Variants in STK17A observed in about 807,000 individuals in gnomAD.
STK17A encodes serine/threonine kinase 17a, also known as serine/threonine-protein kinase 17A.
A neutral mutation model predicts 43.7 loss-of-function variants in STK17A; 26 were observed. The observed-to-expected ratio is 0.60, with a 90% CI of 0.44 to 0.83. The LOEUF (loss-of-function observed/expected upper bound fraction) is 0.83. Ranked by LOEUF, STK17A falls within the 40% of genes least tolerant of loss-of-function variation. STK17A has a pLI of 0.00. For synonymous variants in STK17A, 191 were observed against 182.5 expected, an observed-to-expected ratio of 1.05 and a Z score of -0.38; for missense variants, 476 against 511.6, an observed-to-expected ratio of 0.93 and a Z score of 0.67.
intron 3 of STK17A, among the ~76,000 whole-genome samples, chr7:43,618,240 G>C (rs1327936075): frequency 1.3e-5 from 2 of 152,168 alleles, no homozygotes; most frequent in East Asian, 1.9e-4. Context: ...GAAGGAGCAG[G>C]GGAGGCCAGG....
At chr7:43,621,630 G>A (rs1169128981) in intron 4 of STK17A, among the ~76,000 whole-genome samples, 2 of 152,104 alleles carry the variant, frequency 1.3e-5, no homozygotes, top group Non-Finnish European at 2.9e-5. Flanking sequence ...AGCACAGCGG[G>A]CCAGTTTTTT....
At chr7:43,587,372 A>G (rs373240590) in intron 1 of STK17A, among the ~76,000 whole-genome samples, 2 of 151,210 alleles carry the variant, frequency 1.3e-5, no homozygotes, top group Admixed American at 6.6e-5. Flanking sequence ...AATGAGTTCT[A>G]CATTGGAACA....
At chr7:43,607,607 C>T (rs1340885889) in intron 2 of STK17A, among the ~76,000 whole-genome samples, 2 of 144,146 alleles carry the variant, frequency 1.4e-5, no homozygotes, top group Admixed American at 1.4e-4. Context: ...TGAGATCACG[C>T]CACTGCACTC....
intron 2 of STK17A, among the ~76,000 whole-genome samples, chr7:43,600,167 C>T (rs756812759): frequency 2.0e-5 from 3 of 152,106 alleles, no homozygotes; most frequent in Non-Finnish European, 4.4e-5. Context: ...TAAATCCACC[C>T]CTTGTCAGTT....
At chr7:43,586,941 A>G (rs1236037099) in intron 1 of STK17A, among the ~76,000 whole-genome samples, 1 of 151,292 alleles carries the variant, frequency 6.6e-6, no homozygotes, top group Non-Finnish European at 1.5e-5. Flanking sequence ...ATTGATTCTC[A>G]CCACAAGCCT....
intron 3 of STK17A, among the ~76,000 whole-genome samples, chr7:43,615,934 A>T (rs1208630576): frequency 6.6e-6 from 1 of 152,156 alleles, no homozygotes; most frequent in South Asian, 2.1e-4. Context: ...TAACATGCCC[A>T]TGCACACACC....
chr7:43,597,682 C>T (rs1275026031), intron 2 of STK17A, among the ~76,000 whole-genome samples: 3 of 152,162 alleles, frequency 2.0e-5, no homozygotes, highest in Admixed American at 6.5e-5. Context: ...AGCCAAATCC[C>T]AGCACTTTGG....
intron 2 of STK17A, among the ~76,000 whole-genome samples, chr7:43,597,130 T>A (rs1473209849): frequency 6.6e-6 from 1 of 152,186 alleles, no homozygotes; most frequent in Non-Finnish European, 1.5e-5. Context: ...TGCTTGAATA[T>A]ATAACCAGAT....
intron 2 of STK17A, among the ~76,000 whole-genome samples, chr7:43,597,513 C>T (rs2082525549): frequency 6.6e-6 from 1 of 152,036 alleles, no homozygotes; most frequent in African/African-American, 2.4e-5. Flanking sequence ...CCCCAAGTAG[C>T]TAGGATTACA....
intron 3 of STK17A, among the ~76,000 whole-genome samples, chr7:43,610,880 G>A (rs541121371): frequency 1.7e-4 from 26 of 152,256 alleles, no homozygotes; most frequent in Admixed American, 3.9e-4. Context: ...ACTTTGGGAG[G>A]TCAAGGAGGG....
rs2083674550 is a variant in STK17A at position 43,619,648 on chromosome 7, G to C, written c.616G>C (p.Val206Leu). The change falls in exon 4 of 7, where the codon GTT (valine) becomes CTT (leucine). Residue 206 changes from valine (V) to leucine (L), a missense_variant. Val to Leu is a conservative substitution (Grantham distance 32). This residue lies in a region of STK17A where 320 missense variants were observed against 326.3 expected (regional missense o/e 0.98). Coordinates refer to ENST00000319357, the MANE Select transcript of STK17A (RefSeq NM_004760.3). ...SESPLGDIKI[V>L]DFGLSRILKN... ...ATCTCCATTGGGTGACATTAAGATT[G>C]TTGATTTTGGCCTTTCAAGAATATT... is the stretch of plus-strand genomic sequence containing the variant. 1 of 1,614,000 alleles carries C rather than the reference G, an allele frequency of 6.2e-7. No homozygotes were observed. Among genetic ancestry groups the C allele is most frequent in the African/African-American group, 1.3e-5 (1 of 74,912 alleles).
Position 43,624,768 on chromosome 7 carries a change from C to G in STK17A, c.1171C>G (p.Gln391Glu). The G allele has an allele frequency of 6.2e-7, 1 of 1,613,184 alleles. No homozygotes were observed. The highest frequency in any genetic ancestry group is 8.5e-7 in the Non-Finnish European group (1 of 1,179,474). The part of the protein sequence containing the change: ...CRQSEKEKME[Q>E]KAISKRFKFE... ...ACAGTCTGAAAAAGAGAAAATGGAG[C>G]AAAAGGCCATTTCCAAACGATTTAA... The change falls in exon 7 of 7, where the codon CAA becomes GAA. Residue 391 changes from glutamine to glutamate, a missense_variant. Around this residue, in one of 3 missense-constraint regions of STK17A, gnomAD observed 110 missense variants for 103.7 expected, o/e 1.06. Coordinates refer to ENST00000319357, the MANE Select transcript of STK17A (RefSeq NM_004760.3).
At position 43,585,868 on chromosome 7, in the gene STK17A, C is replaced by T. The variant is rs376049024; in HGVS notation, c.206+2419C>T. Among the ~76,000 whole-genome samples, 4 of 151,634 alleles carry T rather than the reference C, an allele frequency of 2.6e-5. No homozygotes were observed. In the East Asian group the frequency reaches 5.8e-4, roughly 22 times the overall value. On this transcript the variant is annotated intron_variant, in intron 1 of 6. Transcript: ENST00000319357. ...TTTAAATGTAACCCAAAAAGAAAAC[C>T]TGCACAATCTCAAAAAATGCCTCTA...
intron 1 of STK17A, among the ~76,000 whole-genome samples, chr7:43,587,154 G>GTTTTTTTTTT (rs71011929): frequency 8.9e-5 from 10 of 112,094 alleles, no homozygotes; most frequent in South Asian, 2.9e-4. Flanking sequence ...ATTGTTTTTT[G>GTTTTTTTTTT]TTTTTTTTTT....
intron 1 of STK17A, among the ~76,000 whole-genome samples, chr7:43,593,687 C>T (rs2082494575): frequency 7.4e-6 from 1 of 134,468 alleles, no homozygotes. Context: ...GAAAAAATGT[C>T]TGTTCATATA....
chr7:43,617,174 G>T (rs2152998390), intron 3 of STK17A, among the ~76,000 whole-genome samples: 1 of 152,330 alleles, frequency 6.6e-6, no homozygotes, highest in Admixed American at 6.5e-5. Context: ...AGTCTGGAGA[G>T]CTAGTTAGGC....
intron 2 of STK17A, among the ~76,000 whole-genome samples, chr7:43,596,557 T>G (rs2082516746): frequency 6.6e-6 from 1 of 152,158 alleles, no homozygotes; most frequent in Admixed American, 6.6e-5. Context: ...GAAGGACTGT[T>G]CTTTCTCCTT....
At position 43,619,600 on chromosome 7, in the gene STK17A, C is replaced by G; in HGVS notation, c.568C>G (p.Gln190Glu). Residue 190 changes from glutamine to glutamate, a missense_variant, in exon 4 of 7, where the codon CAG becomes GAG. Transcript: ENST00000319357. ...RDVVHLDLKP[Q>E]NILLTSESPL... is the part of the protein sequence containing the mutation. ...GCGGGGGTGTATTTTCTTTTAGCCTCAGAATATTCTGTTGACAAGTGAATC... is the reference window on the plus strand; with the variant it reads ...GCGGGGGTGTATTTTCTTTTAGCCTGAGAATATTCTGTTGACAAGTGAATC... 6.2e-7 allele frequency: 1 copy of G among 1,612,410 alleles called. No homozygotes were observed. The highest frequency in any genetic ancestry group is 2.2e-5 in the East Asian group (1 of 44,796).
intron 2 of STK17A, among the ~76,000 whole-genome samples, chr7:43,601,738 G>C (rs576055967): frequency 1.3e-5 from 2 of 152,102 alleles, no homozygotes; most frequent in South Asian, 4.2e-4. Flanking sequence ...TTGCCCATTT[G>C]AAACCCAGAA....
Sources: allele counts gnomAD v4.1 joint callset (sites outside exome capture counted in the v4.1 genomes callset), GRCh38; gene constraint gnomAD v4.1.1; regional missense constraint gnomAD v4.1.1; transcripts MANE v1.5; gene names NCBI Gene and HGNC (gene_info 2026-07-23, HGNC 2026-07-21).